HS6ST3: variants seen among roughly 807,000 people sequenced by gnomAD.
The protein encoded by HS6ST3 is heparan-sulfate 6-O-sulfotransferase 3.
A neutral mutation model predicts 36.7 loss-of-function variants in HS6ST3; 12 were observed. The ratio of observed to expected loss-of-function variants is 0.33; its 90% CI spans 0.21 to 0.53. HS6ST3 has a LOEUF of 0.53. Among genes scored for constraint, HS6ST3 ranks in the 20% least tolerant of loss-of-function variants. The pLI is 0.95. For synonymous variants in HS6ST3, 240 were observed against 257.5 expected (o/e 0.93, Z 0.65); for missense variants, 584 against 640.9 (o/e 0.91, Z 0.96).
intron 1 of HS6ST3, among the ~76,000 whole-genome samples, chr13:96,325,504 C>G (rs1193280642): frequency 6.6e-6 from 1 of 152,076 alleles, no homozygotes; most frequent in Non-Finnish European, 1.5e-5. Flanking sequence ...TGCCATGCAA[C>G]TGTTTGCATG....
At chr13:96,525,401 A>G (rs2056109634) in intron 1 of HS6ST3, among the ~76,000 whole-genome samples, 1 of 152,056 alleles carries the variant, frequency 6.6e-6, no homozygotes, top group Non-Finnish European at 1.5e-5. Flanking sequence ...CTCCCTTCCT[A>G]GTTACCAGTG....
chr13:96,535,536 C>T (rs1004000509), intron 1 of HS6ST3, among the ~76,000 whole-genome samples: 8 of 134,120 alleles, frequency 6.0e-5, no homozygotes, highest in African/African-American at 1.1e-4. Flanking sequence ...CCAGCCTGGG[C>T]GACAGAGCGA....
intron 1 of HS6ST3, among the ~76,000 whole-genome samples, chr13:96,468,754 G>C (rs2055826657): frequency 6.6e-6 from 1 of 152,054 alleles, no homozygotes; most frequent in Non-Finnish European, 1.5e-5. Flanking sequence ...TTAGAATTTT[G>C]GACATTTTTA....
At chr13:96,249,354 A>AG (rs2054597761) in intron 1 of HS6ST3, among the ~76,000 whole-genome samples, 1 of 152,188 alleles carries the variant, frequency 6.6e-6, no homozygotes, top group South Asian at 2.1e-4. Context: ...CTGAGAAAAA[A>AG]GATTGACAGA....
intron 1 of HS6ST3, among the ~76,000 whole-genome samples, chr13:96,699,650 G>A (rs1423037740): frequency 6.6e-6 from 1 of 152,186 alleles, no homozygotes; most frequent in Admixed American, 6.5e-5. Flanking sequence ...TGGTGGGTCT[G>A]TAAACTAGTT....
At chr13:96,135,967 A>G (rs1234518400) in intron 1 of HS6ST3, among the ~76,000 whole-genome samples, 1 of 152,204 alleles carries the variant, frequency 6.6e-6, no homozygotes. Flanking sequence ...TGCAGCCTGC[A>G]TTCCACCGGT....
intron 1 of HS6ST3, among the ~76,000 whole-genome samples, chr13:96,091,929 G>C (rs1262949817): frequency 6.6e-6 from 1 of 152,184 alleles, no homozygotes; most frequent in Non-Finnish European, 1.5e-5. Flanking sequence ...GACCAGCCTT[G>C]TAGAATTGTG....
intron 1 of HS6ST3, among the ~76,000 whole-genome samples, chr13:96,326,424 G>A (rs1370408621): frequency 7.4e-5 from 11 of 148,718 alleles, no homozygotes; most frequent in South Asian, 2.1e-4. Context: ...GAGAACATGC[G>A]GTGTTTGGTT....
rs954965395 is a variant in HS6ST3, at chr13:96,667,478, A to G, written c.708-165012A>G. ...AACGTAAATTTTACTCATTTCTGTC[A>G]GCTAGCTTGTCACCTTCCTAAACTC... is the stretch of plus-strand genomic sequence containing the variant. On this transcript the variant is annotated intron_variant, in intron 1 of 1. Coordinates refer to ENST00000376705, the MANE Select transcript of HS6ST3 (RefSeq NM_153456.4). 3.3e-5 allele frequency among the ~76,000 whole-genome samples: 5 copies of G among 152,174 alleles called. No homozygotes were observed. In the East Asian group the frequency reaches 9.6e-4, roughly 29 times the overall value.
chr13:96,821,442 C>T (rs558275790), intron 1 of HS6ST3, among the ~76,000 whole-genome samples: 3 of 152,260 alleles, frequency 2.0e-5, no homozygotes, highest in Admixed American at 1.3e-4. Flanking sequence ...AAGAAACTGC[C>T]AAAACTATTA....
chr13:96,268,206 T>G (rs2054702404), intron 1 of HS6ST3, among the ~76,000 whole-genome samples: 2 of 151,986 alleles, frequency 1.3e-5, no homozygotes, highest in African/African-American at 4.8e-5. Flanking sequence ...CCTGTGTTAG[T>G]CCATTCTCAC....
At chr13:96,500,742 C>T (rs1364061631) in intron 1 of HS6ST3, among the ~76,000 whole-genome samples, 1 of 152,204 alleles carries the variant, frequency 6.6e-6, no homozygotes, top group Non-Finnish European at 1.5e-5. Context: ...TAAATTATCA[C>T]TCTGTGACAT....
intron 1 of HS6ST3, among the ~76,000 whole-genome samples, chr13:96,256,522 G>T (rs1284950320): frequency 6.6e-6 from 1 of 152,234 alleles, no homozygotes; most frequent in African/African-American, 2.4e-5. Context: ...GGATCAGGAA[G>T]GCAGCTTCAG....
chr13:96,199,394 A>C (rs1055073712), intron 1 of HS6ST3, among the ~76,000 whole-genome samples: 3 of 152,368 alleles, frequency 2.0e-5, no homozygotes, highest in African/African-American at 7.2e-5. Context: ...TTTAAAAAGG[A>C]GCAACCACAG....
intron 1 of HS6ST3, among the ~76,000 whole-genome samples, chr13:96,794,883 TG>T (rs1877873112): frequency 6.6e-6 from 1 of 152,104 alleles, no homozygotes; most frequent in Non-Finnish European, 1.5e-5. Context: ...AAAGAAAATG[TG>T]TCAGTCATGA....
intron 1 of HS6ST3, among the ~76,000 whole-genome samples, chr13:96,178,111 T>A (rs1023718621): frequency 6.6e-6 from 1 of 152,058 alleles, no homozygotes; most frequent in Non-Finnish European, 1.5e-5. Context: ...ATTATGTGGG[T>A]TGAGGAAATA....
chr13:96,127,437 C>G (rs1034826497), intron 1 of HS6ST3, among the ~76,000 whole-genome samples: 11 of 152,174 alleles, frequency 7.2e-5, no homozygotes, highest in African/African-American at 2.7e-4. Context: ...CTATGAGAAT[C>G]TAATGCTGCT....
intron 1 of HS6ST3, among the ~76,000 whole-genome samples, chr13:96,242,220 CT>C (rs149222857): frequency 0.052 from 7,616 of 146,692 alleles, 297 homozygotes; most frequent in Admixed American, 0.13. Context: ...GTTTTTGAGT[CT>C]TTTTTTTTTT....
chr13:96,633,939 G>T (rs542093358), intron 1 of HS6ST3, among the ~76,000 whole-genome samples: 2 of 152,232 alleles, frequency 1.3e-5, no homozygotes, highest in African/African-American at 4.8e-5. Flanking sequence ...AACATTTGGA[G>T]GTGGGGCCTT....
Sources: allele counts gnomAD v4.1 joint callset (sites outside exome capture counted in the v4.1 genomes callset), GRCh38; gene constraint gnomAD v4.1.1; transcripts MANE v1.5; gene names NCBI Gene and HGNC (gene_info 2026-07-23, HGNC 2026-07-21).